The following SGCZ variants were observed in gnomAD, a reference collection of about 807,000 sequenced individuals.
SGCZ encodes the protein zeta-sarcoglycan.
A neutral mutation model predicts 41.3 loss-of-function variants in SGCZ; 40 were observed. That is an observed-to-expected ratio of 0.97 (90% CI 0.75 to 1.26). SGCZ has a LOEUF of 1.26. SGCZ is among the 50% of genes most tolerant of loss of function. SGCZ has a pLI of 0.00. For missense variants in SGCZ, 552 were observed against 369.8 expected (o/e 1.49, Z -4.04); for synonymous variants, 206 against 137.5 (o/e 1.50, Z -3.49).
chr8:14,830,171 T>A (rs7013356), intron 1 of SGCZ, among the ~76,000 whole-genome samples: 14,835 of 152,224 alleles, frequency 0.097, 1,421 homozygotes, highest in African/African-American at 0.25. Context: ...ATTAAAAATA[T>A]GGACCAACTT....
intron 2 of SGCZ, among the ~76,000 whole-genome samples, chr8:14,366,857 T>C (rs1444075140): frequency 3.3e-5 from 5 of 152,174 alleles, no homozygotes; most frequent in African/African-American, 1.2e-4. Flanking sequence ...TTTTCCCTCC[T>C]AGGCCTCTGG....
rs568761711 is a variant in SGCZ, at chr8:14,951,243, G to A, written c.39+286342C>T. Among the ~76,000 whole-genome samples, 45 of 152,030 alleles carry A rather than the reference G, an allele frequency of 3.0e-4. 1 individual carries two copies. The highest frequency in any genetic ancestry group is 4.7e-4 in the Non-Finnish European group (32 of 67,870). On this transcript the variant is annotated intron_variant, in intron 1 of 7. Transcript: ENST00000382080. Reference sequence around the variant, plus strand: ...TTAAAACATGAATTATTAATTTCATGTAAAATAATTCATAGAAACTGGTTA... The same window carrying A: ...TTAAAACATGAATTATTAATTTCATATAAAATAATTCATAGAAACTGGTTA...
chr8:15,188,512 G>C lies in SGCZ; in HGVS notation c.39+49073C>G, dbSNP rs77151974. On this transcript the variant is annotated intron_variant, in intron 1 of 7. Transcript: ENST00000382080. The stretch of plus-strand genomic sequence containing the variant: ...AGTTGGTAGTCATGAAATGTGTTGA[G>C]ATTGTTTCATTTTGTTTTCACTCAT... Among the ~76,000 whole-genome samples the C allele has an allele frequency of 4.0e-3, 608 of 152,190 alleles. 2 individuals carry two copies. Among genetic ancestry groups the C allele is most frequent in the Non-Finnish European group, 6.5e-3 (443 of 67,946 alleles).
intron 1 of SGCZ, among the ~76,000 whole-genome samples, chr8:14,982,676 C>T (rs929990804): frequency 6.6e-5 from 10 of 152,162 alleles, no homozygotes; most frequent in African/African-American, 2.4e-4. Context: ...TGCAGTTATT[C>T]TTACATTGTA....
At chr8:14,428,763 T>A (rs1413291184) in intron 2 of SGCZ, among the ~76,000 whole-genome samples, 2 of 152,166 alleles carry the variant, frequency 1.3e-5, no homozygotes, top group East Asian at 1.9e-4. Flanking sequence ...GGAAGCTTGT[T>A]GAGGAGGTCA....
intron 1 of SGCZ, among the ~76,000 whole-genome samples, chr8:14,784,262 G>A (rs1728838414): frequency 1.3e-5 from 2 of 151,782 alleles, no homozygotes; most frequent in African/African-American, 2.4e-5. Flanking sequence ...ATGTTGCCCA[G>A]GCTGGTCTTG....
At chr8:14,227,243 A>T (rs1806404554) in intron 4 of SGCZ, among the ~76,000 whole-genome samples, 1 of 152,076 alleles carries the variant, frequency 6.6e-6, no homozygotes, top group African/African-American at 2.4e-5. Context: ...TGGCAAAAAA[A>T]ATGTAAGAAT....
At chr8:14,370,667 A>G (rs372476106) in intron 2 of SGCZ, among the ~76,000 whole-genome samples, 2 of 152,046 alleles carry the variant, frequency 1.3e-5, no homozygotes, top group South Asian at 4.1e-4. Context: ...GGTTAATGAA[A>G]AGCATCTTGG....
intron 1 of SGCZ, among the ~76,000 whole-genome samples, chr8:14,642,400 AT>A (rs1807056832): frequency 6.6e-6 from 1 of 151,576 alleles, no homozygotes; most frequent in Non-Finnish European, 1.5e-5. Context: ...CTATAGACAA[AT>A]CTCTTTCCTT....
At chr8:14,895,891 T>C (rs1487567907) in intron 1 of SGCZ, among the ~76,000 whole-genome samples, 1 of 152,206 alleles carries the variant, frequency 6.6e-6, no homozygotes, top group Non-Finnish European at 1.5e-5. Context: ...TTTTATTTAT[T>C]AGAAGTTCTT....
chr8:14,163,004 G>T (rs892857765), intron 5 of SGCZ, among the ~76,000 whole-genome samples: 2 of 152,104 alleles, frequency 1.3e-5, no homozygotes, highest in Non-Finnish European at 2.9e-5. Flanking sequence ...CTGAGTAGCT[G>T]GGACTATGGA....
intron 1 of SGCZ, among the ~76,000 whole-genome samples, chr8:15,092,983 T>A (rs1806206634): frequency 6.6e-6 from 1 of 152,222 alleles, no homozygotes; most frequent in Non-Finnish European, 1.5e-5. Flanking sequence ...GGCAGCCACA[T>A]ATGACAAATA....
chr8:14,682,484 G>A (rs895424210), intron 1 of SGCZ, among the ~76,000 whole-genome samples: 51 of 149,764 alleles, frequency 3.4e-4, no homozygotes, highest in African/African-American at 1.2e-3. Flanking sequence ...GCCCAGGCTG[G>A]AGTGCAGTGG....
chr8:14,481,379 C>G (rs1220350781), intron 2 of SGCZ, among the ~76,000 whole-genome samples: 4 of 152,094 alleles, frequency 2.6e-5, no homozygotes, highest in African/African-American at 9.7e-5. Flanking sequence ...ATCACTGCCT[C>G]ACAATCAATG....
intron 2 of SGCZ, among the ~76,000 whole-genome samples, chr8:14,381,819 A>G (rs563411068): frequency 6.6e-6 from 1 of 152,044 alleles, no homozygotes; most frequent in Non-Finnish European, 1.5e-5. Context: ...ACAAACAAAC[A>G]AAAAACTTTA....
chr8:15,164,809 T>C (rs1799608772), intron 1 of SGCZ, among the ~76,000 whole-genome samples: 3 of 152,144 alleles, frequency 2.0e-5, no homozygotes, highest in Admixed American at 1.3e-4. Context: ...CAAGCCTCCA[T>C]CTTGTTTTAC....
intron 1 of SGCZ, among the ~76,000 whole-genome samples, chr8:14,960,633 T>C (rs184218078): frequency 6.6e-6 from 1 of 152,246 alleles, no homozygotes; most frequent in African/African-American, 2.4e-5. Flanking sequence ...GTGAAGAAAA[T>C]TAAGCCATAC....
At chr8:14,481,137 G>A (rs376528285) in intron 2 of SGCZ, among the ~76,000 whole-genome samples, 18 of 151,960 alleles carry the variant, frequency 1.2e-4, no homozygotes, top group Non-Finnish European at 1.8e-4. Context: ...ATTAAATAAT[G>A]CACAAATGAT....
At chr8:14,836,709 C>A (rs1802714061) in intron 1 of SGCZ, among the ~76,000 whole-genome samples, 1 of 152,146 alleles carries the variant, frequency 6.6e-6, no homozygotes, top group South Asian at 2.1e-4. Context: ...CCGTGTTGGC[C>A]AGGCTGGTCT....
Sources: gnomAD v4.1 joint callset for allele counts (sites outside exome capture counted in the v4.1 genomes callset) on GRCh38, gnomAD v4.1.1 for gene constraint, MANE v1.5 for transcripts, NCBI Gene and HGNC (gene_info 2026-07-23, HGNC 2026-07-21) for gene names.